Variants in NHERF2 observed in about 807,000 individuals in gnomAD.
NHERF2 encodes the protein NHERF family PDZ scaffold protein 2.
the NHERF2 span, chr16:2,036,003 A>C: frequency 2.9e-6 from 1 of 342,484 alleles, no homozygotes; most frequent in Non-Finnish European, 5.3e-6. Flanking sequence ...GCCAACGGCG[A>C]CAGTTCATCC....
the NHERF2 span, chr16:2,035,940 C>G: frequency 3.6e-4 from 76 of 213,596 alleles, no homozygotes; most frequent in East Asian, 7.8e-3. Flanking sequence ...TGGAGGAGAG[C>G]CCGGGGCAGG....
the NHERF2 span, chr16:2,037,401 TG>T: frequency 1.2e-6 from 1 of 841,254 alleles, no homozygotes; most frequent in Non-Finnish European, 2.0e-6. Flanking sequence ...CCGCCGCATC[TG>T]GAGTCCACCA....
At chr16:2,028,827 G>A in the NHERF2 span, among the ~76,000 whole-genome samples, 4 of 152,248 alleles carry the variant, frequency 2.6e-5, no homozygotes, top group South Asian at 8.3e-4. Flanking sequence ...GGTGTGCGCT[G>A]GCCCCCCGCG....
the NHERF2 span, chr16:2,037,014 G>A: frequency 6.5e-7 from 1 of 1,549,364 alleles, no homozygotes. Flanking sequence ...AGGGTGGGGT[G>A]CCCATGAGAC....
the NHERF2 span, chr16:2,027,178 A>G: frequency 6.9e-7 from 1 of 1,459,662 alleles, no homozygotes; most frequent in Non-Finnish European, 9.0e-7. Flanking sequence ...CGCCTGGTCG[A>G]GGTCAACGGC....
the NHERF2 span, chr16:2,033,219 C>A: frequency 2.7e-6 from 4 of 1,495,094 alleles, no homozygotes; most frequent in Non-Finnish European, 3.6e-6. Flanking sequence ...ACTCAGCCCC[C>A]ACGTCCCCAC....
At chr16:2,031,420 G>A in the NHERF2 span, among the ~76,000 whole-genome samples, 3 of 152,164 alleles carry the variant, frequency 2.0e-5, no homozygotes, top group Non-Finnish European at 2.9e-5. Flanking sequence ...TGCCTCAGGC[G>A]TTTGTCCATT....
At chr16:2,036,282 G>A in the NHERF2 span, 2 of 1,552,794 alleles carry the variant, frequency 1.3e-6, no homozygotes, top group Admixed American at 1.8e-5. Flanking sequence ...CTGGAGGCGG[G>A]AGGCTGGAGC....
the NHERF2 span, among the ~76,000 whole-genome samples, chr16:2,035,054 C>A: frequency 6.6e-6 from 1 of 152,074 alleles, no homozygotes; most frequent in Non-Finnish European, 1.5e-5. Flanking sequence ...ACAGGCTTGT[C>A]CCTGGAGTTT....
At chr16:2,036,447 G>A in the NHERF2 span, 1 of 1,604,416 alleles carries the variant, frequency 6.2e-7, no homozygotes, top group Non-Finnish European at 8.5e-7. Flanking sequence ...CCGCTCTGTG[G>A]ACCCGGGCTC....
At chr16:2,032,384 C>T in the NHERF2 span, among the ~76,000 whole-genome samples, 1 of 152,224 alleles carries the variant, frequency 6.6e-6, no homozygotes, top group East Asian at 1.9e-4. This position sits in a 1 kb window ranked among gnomAD's most constrained non-coding sequence, Gnocchi z 4.0. Context: ...CTCACCTGAC[C>T]TCCACAGAGC....
At chr16:2,036,092 G>A in the NHERF2 span, 1 of 510,412 alleles carries the variant, frequency 2.0e-6, no homozygotes, top group Non-Finnish European at 3.5e-6. Context: ...ACCCGGGAAG[G>A]CGGCTGGGCC....
chr16:2,035,574 C>T, the NHERF2 span: 2,626 of 987,540 alleles, frequency 2.7e-3, 3 homozygotes, highest in Admixed American at 2.9e-3. Context: ...TAACTGAGCA[C>T]GGGCAGCCGC....
chr16:2,027,746 G>C, the NHERF2 span, among the ~76,000 whole-genome samples: 2 of 152,196 alleles, frequency 1.3e-5, no homozygotes, highest in African/African-American at 4.8e-5. Context: ...GCCTGTGTGT[G>C]TGCAGGTCTG....
the NHERF2 span, chr16:2,038,396 A>G: frequency 4.8e-6 from 2 of 415,334 alleles, no homozygotes; most frequent in Admixed American, 3.3e-5. Flanking sequence ...ACTTAATACC[A>G]GAGACCCCCC....
chr16:2,031,296 G>T, the NHERF2 span, among the ~76,000 whole-genome samples: 1 of 152,178 alleles, frequency 6.6e-6, no homozygotes, highest in Non-Finnish European at 1.5e-5. Flanking sequence ...GGGCTGGTGG[G>T]GGGGCTGGCC....
chr16:2,029,518 C>A, the NHERF2 span: 1 of 1,443,460 alleles, frequency 6.9e-7, no homozygotes, highest in Non-Finnish European at 9.5e-7. Context: ...CAGAGTGGTG[C>A]CACTGCCCAT....
At chr16:2,029,658 G>A in the NHERF2 span, 177 of 1,567,842 alleles carry the variant, frequency 1.1e-4, 3 homozygotes, top group South Asian at 1.8e-3. Flanking sequence ...GAGGAGCTCC[G>A]CCGGCGGCAG....
At chr16:2,030,451 A>C in the NHERF2 span, among the ~76,000 whole-genome samples, 2 of 152,060 alleles carry the variant, frequency 1.3e-5, no homozygotes, top group Non-Finnish European at 2.9e-5. Context: ...CCTTGCTCCC[A>C]GCCAGGAGAC....
Sources: allele counts gnomAD v4.1 joint callset (sites outside exome capture counted in the v4.1 genomes callset), GRCh38; gene constraint gnomAD v4.1.1; non-coding constraint Gnocchi (gnomAD v3.1); transcripts MANE v1.5; gene names NCBI Gene and HGNC (gene_info 2026-07-23, HGNC 2026-07-21).